PCDH15: variants seen among roughly 807,000 people sequenced by gnomAD.
The protein encoded by PCDH15 is protocadherin related 15.
Under a neutral mutation model 178.5 loss-of-function variants are expected in PCDH15, and 129 were observed. The observed-to-expected ratio is 0.72, with a 90% CI of 0.63 to 0.84. The LOEUF (loss-of-function observed/expected upper bound fraction) is 0.84. Ranked by LOEUF, PCDH15 falls within the 40% of genes least tolerant of loss-of-function variation. The pLI is 0.00. For missense variants in PCDH15, 2,230 were observed against 2,099.9 expected (o/e 1.06, Z -1.21); for synonymous variants, 800 against 732.0 (o/e 1.09, Z -1.50).
chr10:55,532,340 T>G (rs1199526873), intron 2 of PCDH15, among the ~76,000 whole-genome samples: 1 of 152,042 alleles, frequency 6.6e-6, no homozygotes, highest in Non-Finnish European at 1.5e-5. Context: ...TTGGTGAAAC[T>G]TGTTTCACAA....
At chr10:55,452,416 C>G (rs1011430602) in intron 2 of PCDH15, among the ~76,000 whole-genome samples, 1 of 152,094 alleles carries the variant, frequency 6.6e-6, no homozygotes, top group Non-Finnish European at 1.5e-5. Flanking sequence ...TTTGTCCCAT[C>G]CTGAATTCAC....
At chr10:54,066,171 G>C (rs1046651714) in intron 18 of PCDH15, among the ~76,000 whole-genome samples, 3 of 152,114 alleles carry the variant, frequency 2.0e-5, no homozygotes, top group Non-Finnish European at 4.4e-5. Context: ...TCAAGACCAA[G>C]AATGGCCCAA....
At chr10:54,100,548 C>T (rs1317058175) in intron 15 of PCDH15, among the ~76,000 whole-genome samples, 2 of 152,026 alleles carry the variant, frequency 1.3e-5, no homozygotes, top group African/African-American at 4.8e-5. Context: ...TGGCACAAGG[C>T]TGTCATGATG....
chr10:54,330,533 T>C (rs7098778), intron 6 of PCDH15, among the ~76,000 whole-genome samples: 102,510 of 151,698 alleles, frequency 0.68, 35,357 homozygotes, highest in Middle Eastern at 0.82. Flanking sequence ...CATGACTGCG[T>C]GAACTTGAAT....
chr10:54,703,580 T>A (rs1161773692), intron 1 of PCDH15, among the ~76,000 whole-genome samples: 1 of 151,790 alleles, frequency 6.6e-6, no homozygotes, highest in Non-Finnish European at 1.5e-5. Context: ...TTCTATACAC[T>A]AACAACATCC....
intron 9 of PCDH15, among the ~76,000 whole-genome samples, chr10:54,219,484 T>C (rs1358677225): frequency 6.8e-6 from 1 of 147,594 alleles, no homozygotes; most frequent in Non-Finnish European, 1.5e-5. Flanking sequence ...TCCCAGCTAC[T>C]CGGGAGGCTG....
At chr10:55,315,553 T>C (rs1456189844) in intron 1 of PCDH15, among the ~76,000 whole-genome samples, 2 of 152,194 alleles carry the variant, frequency 1.3e-5, no homozygotes, top group Admixed American at 1.3e-4. Flanking sequence ...TTAAATTATT[T>C]CTGTGTCTTG....
chr10:54,271,472 A>G (rs1465459362), intron 8 of PCDH15, among the ~76,000 whole-genome samples: 2 of 152,100 alleles, frequency 1.3e-5, no homozygotes, highest in African/African-American at 2.4e-5. Flanking sequence ...TCAGCCTCCA[A>G]TAGATGCTGG....
At chr10:54,859,458 T>C (rs541700593) in intron 3 of PCDH15, among the ~76,000 whole-genome samples, 122 of 152,150 alleles carry the variant, frequency 8.0e-4, no homozygotes, top group African/African-American at 2.9e-3. Context: ...ACATTTGTCT[T>C]TTTCCTATAA....
At chr10:54,051,487 C>T (rs2093773594) in intron 18 of PCDH15, among the ~76,000 whole-genome samples, 1 of 152,122 alleles carries the variant, frequency 6.6e-6, no homozygotes, top group African/African-American at 2.4e-5. Context: ...AATGTCGCTC[C>T]TGCTATGCAA....
chr10:54,935,926 C>G (rs1037667666), intron 2 of PCDH15, among the ~76,000 whole-genome samples: 1 of 152,010 alleles, frequency 6.6e-6, no homozygotes, highest in Non-Finnish European at 1.5e-5. Flanking sequence ...ATTTGCAGTA[C>G]AAAATTCAGT....
intron 22 of PCDH15, among the ~76,000 whole-genome samples, chr10:53,961,209 A>G (rs983893615): frequency 3.3e-5 from 5 of 152,062 alleles, no homozygotes; most frequent in African/African-American, 1.2e-4. Flanking sequence ...ATTTTTTTCA[A>G]ATTTTCTAGG....
intron 2 of PCDH15, among the ~76,000 whole-genome samples, chr10:55,460,545 T>C (rs1181909159): frequency 2.0e-5 from 3 of 152,132 alleles, no homozygotes; most frequent in African/African-American, 7.2e-5. Context: ...TTTTGGTTTT[T>C]ATATCTGGGA....
chr10:54,086,850 T>C (rs1292617554), intron 16 of PCDH15, among the ~76,000 whole-genome samples: 1 of 152,168 alleles, frequency 6.6e-6, no homozygotes, highest in East Asian at 1.9e-4. Flanking sequence ...AGAATCATGG[T>C]CAATTTAGAC....
At chr10:55,097,386 A>C (rs755449032) in intron 2 of PCDH15, among the ~76,000 whole-genome samples, 4 of 152,102 alleles carry the variant, frequency 2.6e-5, no homozygotes, top group Admixed American at 2.0e-4. Context: ...GGAGCTAGGA[A>C]GTGAAAGTGG....
intron 28 of PCDH15, among the ~76,000 whole-genome samples, chr10:53,849,203 C>T (rs571018931): frequency 6.6e-6 from 1 of 152,210 alleles, no homozygotes; most frequent in South Asian, 2.1e-4. Context: ...AGCCCTGCCT[C>T]ATTCTTTAGT....
At chr10:54,560,831 A>C (rs559586730) in intron 2 of PCDH15, among the ~76,000 whole-genome samples, 33 of 152,092 alleles carry the variant, frequency 2.2e-4, no homozygotes, top group Non-Finnish European at 4.3e-4. Context: ...CCGAAACAAG[A>C]AAGGGATGTT....
chr10:53,926,755 G>A (rs866007719), intron 25 of PCDH15, among the ~76,000 whole-genome samples: 2 of 152,150 alleles, frequency 1.3e-5, no homozygotes, highest in African/African-American at 2.4e-5. Flanking sequence ...TGCAGAGTTC[G>A]AGGTTTTTCA....
chr10:55,624,709 A>G (rs1837486144), intron 2 of PCDH15, among the ~76,000 whole-genome samples: 2 of 152,160 alleles, frequency 1.3e-5, no homozygotes, highest in Admixed American at 1.3e-4. Context: ...CACAGATTGA[A>G]GACCACAGTA....
Sources: allele counts gnomAD v4.1 joint callset (sites outside exome capture counted in the v4.1 genomes callset), GRCh38; gene constraint gnomAD v4.1.1; transcripts MANE v1.5; gene names NCBI Gene and HGNC (gene_info 2026-07-23, HGNC 2026-07-21).